The following NPC1 variants were observed in gnomAD, a reference collection of about 807,000 sequenced individuals.
NPC1 encodes NPC intracellular cholesterol transporter 1.
In NPC1, 85 loss-of-function variants were observed where a neutral mutation model predicts 140.4. The ratio of observed to expected loss-of-function variants is 0.61; its 90% CI spans 0.51 to 0.72. The LOEUF (loss-of-function observed/expected upper bound fraction) is 0.72, where lower values mean the gene tolerates loss of function less well. Ranked by LOEUF, NPC1 falls within the 30% of genes least tolerant of loss-of-function variation. The probability of loss-of-function intolerance (pLI) is 0.00; values close to 1 mark genes in which losing one functional copy is unlikely to be tolerated. For missense variants in NPC1, 1,504 were observed against 1,623.8 expected, an observed-to-expected ratio of 0.93 and a Z score of 1.27; for synonymous variants, 656 against 624.8, an observed-to-expected ratio of 1.05 and a Z score of -0.74.
chr18:23,557,037 G>C (rs890941598), intron 7 of NPC1, 80 bp downstream of exon 7: 22 of 1,201,102 alleles, frequency 1.8e-5, no homozygotes, highest in Non-Finnish European at 2.5e-5. Flanking sequence ...ACCCACTGCT[G>C]CAACCCCACT....
chr18:23,539,744 C>T, intron 18 of NPC1, 67 bp downstream of exon 18: 3 of 1,529,108 alleles, frequency 2.0e-6, no homozygotes, highest in Non-Finnish European at 2.7e-6. Flanking sequence ...CATTTCAGGC[C>T]TGAGCTGACT....
Position 23,556,452 on chromosome 18 carries a change from C to A in NPC1, c.1117G>T (p.Val373Phe). ...CAGAGGTCAACTGGATTGGTTGTGA[C>A]CCGGACAAACACCAGGCCTGACGAA... ...ACSSGLVFVR[V>F]TTNPVDLWSA... Residue 373 changes from valine (V) to phenylalanine (F), a missense_variant, in exon 8 of 25, where the codon GTC (valine) becomes TTC (phenylalanine). Val to Phe is a conservative substitution (Grantham distance 50). Transcript: ENST00000269228. 1 of 1,614,158 alleles carries A rather than the reference C, an allele frequency of 6.2e-7. No individual in the cohort carries two copies. Among genetic ancestry groups the A allele is most frequent in the African/African-American group, 1.3e-5 (1 of 75,026 alleles).
intron 9 of NPC1, 40 bp from the exon 10 acceptor site, chr18:23,551,767 C>A (rs757514996): frequency 4.3e-5 from 57 of 1,333,516 alleles, no homozygotes; most frequent in East Asian, 2.3e-5. Context: ...GTTAGAAGGG[C>A]CTCAAGACAT....
intron 3 of NPC1, chr18:23,516,049 C>T: frequency 1.2e-6 from 2 of 1,610,686 alleles, no homozygotes; most frequent in Non-Finnish European, 1.7e-6. Context: ...GTCCCCTGTT[C>T]CTGTAGCATC....
At chr18:23,533,771 G>A in intron 23 of NPC1, 1 of 488,404 alleles carries the variant, frequency 2.0e-6, no homozygotes, top group African/African-American at 1.9e-5. Context: ...CTCCCAAAGT[G>A]CTGGGGTTAT....
At chr18:23,529,376 G>A, downstream of NPC1, 1 of 1,527,914 alleles carries the variant, frequency 6.5e-7, no homozygotes, top group Non-Finnish European at 8.7e-7. Flanking sequence ...GAGACTTCAT[G>A]TGATTAGAGT....
intron 4 of NPC1, among the ~76,000 whole-genome samples, chr18:23,562,901 C>T (rs1000237677): frequency 5.3e-5 from 8 of 152,126 alleles, no homozygotes; most frequent in African/African-American, 1.4e-4. Context: ...ATGTAATTTA[C>T]AATTTACCCC....
Position 23,533,458 on chromosome 18 carries a change from T to C in NPC1, c.3651A>G (p.Lys1217=), listed in dbSNP as rs2058572770. Residue 1217 remains lysine (K), a synonymous_variant, in exon 24 of 25, where the codon AAA becomes AAG. Coordinates refer to ENST00000269228, the MANE Select transcript of NPC1 (RefSeq NM_000271.5). ...FGGIVVLAFA[K]SQIFQIFYFR... is the part of the protein sequence containing the mutation. ...AGTAGAATATCTGGAAAATTTGAGA[T>C]TTGGCAAAAGCCAACACCACAATCC... 1.2e-6 allele frequency: 2 copies of C among 1,614,242 alleles called. No individual in the cohort carries two copies. The highest frequency in any genetic ancestry group is 1.3e-5 in the African/African-American group (1 of 75,076).
chr18:23,525,647 T>C (rs529398459), downstream of NPC1, among the ~76,000 whole-genome samples: 6 of 152,040 alleles, frequency 3.9e-5, no homozygotes, highest in Non-Finnish European at 7.4e-5. Context: ...ATGGTCTCGA[T>C]CTCCTGACCT....
chr18:23,562,017 C>T (rs1276241767), intron 4 of NPC1, among the ~76,000 whole-genome samples: 4 of 152,170 alleles, frequency 2.6e-5, no homozygotes, highest in African/African-American at 7.2e-5. Context: ...TGGCCGGGCA[C>T]GGTGGCTCAC....
chr18:23,537,016 G>A, intron 20 of NPC1, 140 bp from the exon 21 acceptor site: 1 of 720,360 alleles, frequency 1.4e-6, no homozygotes, highest in Non-Finnish European at 2.5e-6. Context: ...GATGAAGAAG[G>A]CCCCCAGATA....
rs1044112554 is a variant in NPC1, at chr18:23,573,341, A to C, written c.180+111T>G. 6.9e-6 allele frequency: 10 copies of C among 1,439,736 alleles called. No homozygotes were observed. The African/African-American group carries it at 1.4e-4, about 20-fold the overall frequency. 89.2% of individuals were successfully genotyped at this position (1,439,736 alleles called of 1,614,324 possible). A position where few individuals can be genotyped will look rare whatever the true frequency, so the allele number is the denominator to read the frequency against. On this transcript the variant is annotated intron_variant, in intron 2 of 24. Coordinates refer to ENST00000269228, the MANE Select transcript of NPC1 (RefSeq NM_000271.5). ...GTTTGAGAGTCCGGGATAAGACTTA[A>C]GCCTGTTAGTCTCATCTCCACCTCC... is the stretch of plus-strand genomic sequence containing the variant.
intron 10 of NPC1, among the ~76,000 whole-genome samples, chr18:23,550,702 G>A (rs2058859477): frequency 6.6e-6 from 1 of 151,766 alleles, no homozygotes; most frequent in Non-Finnish European, 1.5e-5. Flanking sequence ...TAGCCAGGAT[G>A]GTCTCGATCT....
chr18:23,560,813 T>C (rs2059027989), intron 5 of NPC1, among the ~76,000 whole-genome samples: 1 of 152,090 alleles, frequency 6.6e-6, no homozygotes, highest in East Asian at 1.9e-4. Context: ...CCCACCCCCT[T>C]TTTAACTGCT....
chr18:23,557,445 CT>C (rs1372652166), intron 6 of NPC1, among the ~76,000 whole-genome samples: 3 of 152,190 alleles, frequency 2.0e-5, no homozygotes, highest in African/African-American at 7.2e-5. Context: ...TTATTTAAAA[CT>C]TTTAGGTCCT....
At chr18:23,527,182 G>A (rs902339119), downstream of NPC1, among the ~76,000 whole-genome samples, 2 of 131,178 alleles carry the variant, frequency 1.5e-5, no homozygotes, top group Non-Finnish European at 3.0e-5. Context: ...CTAGGAGTTC[G>A]AGACCAGCCT....
intron 3 of NPC1, among the ~76,000 whole-genome samples, chr18:23,510,049 T>C (rs1380545488): frequency 1.3e-5 from 2 of 149,982 alleles, no homozygotes; most frequent in African/African-American, 4.9e-5. Flanking sequence ...GAAAAAGGGC[T>C]TGGTGGCCCA....
intron 6 of NPC1, among the ~76,000 whole-genome samples, chr18:23,558,795 G>A (rs1174998488): frequency 2.6e-5 from 4 of 152,088 alleles, no homozygotes; most frequent in South Asian, 2.1e-4. Flanking sequence ...GTATGTGTAC[G>A]TGTGCCATGT....
At chr18:23,525,952 CAT>C (rs2058287430), downstream of NPC1, among the ~76,000 whole-genome samples, 1 of 152,356 alleles carries the variant, frequency 6.6e-6, no homozygotes, top group East Asian at 1.9e-4. Flanking sequence ...CCCATAGCCT[CAT>C]GTGACATCCA....
Sources: gnomAD v4.1 joint callset for allele counts (sites outside exome capture counted in the v4.1 genomes callset) on GRCh38, gnomAD v4.1.1 for gene constraint, MANE v1.5 for transcripts, NCBI Gene and HGNC (gene_info 2026-07-23, HGNC 2026-07-21) for gene names.